ZC3H14: variants seen among roughly 807,000 people sequenced by gnomAD.
ZC3H14 encodes the protein zinc finger CCCH domain-containing protein 14.
A neutral mutation model predicts 92.4 loss-of-function variants in ZC3H14; 31 were observed. That is an observed-to-expected ratio of 0.34 (90% CI 0.25 to 0.45). The LOEUF (loss-of-function observed/expected upper bound fraction) is 0.45, where lower values mean the gene tolerates loss of function less well. ZC3H14 is among the 20% of genes least tolerant of loss of function. The probability of loss-of-function intolerance (pLI) is 1.00; values close to 1 mark genes in which losing one functional copy is unlikely to be tolerated. For synonymous variants in ZC3H14, 321 were observed against 300.9 expected (o/e 1.07, Z -0.69); for missense variants, 781 against 897.3 (o/e 0.87, Z 1.66).
At chr14:88,574,495 G>A (rs2080906201) in intron 6 of ZC3H14, 198 bp from the exon 7 acceptor site, 2 of 577,028 alleles carry the variant, frequency 3.5e-6, no homozygotes, top group South Asian at 2.0e-5. Context: ...CGCCCACTTC[G>A]GCCTTCCAAA....
intron 2 of ZC3H14, among the ~76,000 whole-genome samples, chr14:88,566,662 G>A (rs1319725253): frequency 6.6e-6 from 1 of 152,192 alleles, no homozygotes; most frequent in Non-Finnish European, 1.5e-5. Flanking sequence ...GTTCACGCCT[G>A]TAATCACAGC....
In ZC3H14 at chr14:88,626,883, C is replaced by T. The variant is rs200107954; in HGVS notation, c.*15132C>T. 1.1e-4 allele frequency: 183 copies of T among 1,613,976 alleles called. No individual in the cohort carries two copies. The highest frequency in any genetic ancestry group is 1.5e-4 in the Non-Finnish European group (176 of 1,179,872). On this transcript the variant is annotated 3_prime_UTR_variant, in exon 17 of 17. Transcript: ENST00000251038. ...GCATGGTCTGCATCCGGGCATCTTCCAGTGTGCTCAGTAGCCCTTTTTTGC... is the reference window on the plus strand; with the variant it reads ...GCATGGTCTGCATCCGGGCATCTTCTAGTGTGCTCAGTAGCCCTTTTTTGC...
chr14:88,608,418 A>G, intron 13 of ZC3H14: 1 of 339,012 alleles, frequency 2.9e-6, no homozygotes, highest in Admixed American at 3.6e-5. Flanking sequence ...CTTACACCTT[A>G]TTTTGTTTTT....
At position 88,563,686 on chromosome 14, in the gene ZC3H14, T is replaced by A. The variant is rs1255684142; in HGVS notation, c.72T>A (p.Ala24=). The change falls in exon 2 of 17, where the codon GCT becomes GCA. Residue 24 remains alanine, a synonymous_variant. Transcript: ENST00000251038. ...AIKGKLQELG[A]YVDEELPDYI... is the part of the protein sequence containing the mutation. ...AGGGGAAATTACAAGAATTAGGAGC[T>A]TATGTTGGTAAGTGTTTTTTTGGTT... The A allele has an allele frequency of 6.2e-7, 1 of 1,614,064 alleles. No individual in the cohort carries two copies. Among genetic ancestry groups the A allele is most frequent in the African/African-American group, 1.3e-5 (1 of 74,952 alleles).
intron 13 of ZC3H14, 65 bp from the exon 14 acceptor site, chr14:88,609,202 A>C: frequency 6.3e-7 from 1 of 1,597,092 alleles, no homozygotes; most frequent in Non-Finnish European, 8.6e-7. Flanking sequence ...AAGAGCCCTT[A>C]TACACAGAAC....
chr14:88,577,010 C>G (rs10150251), intron 8 of ZC3H14, among the ~76,000 whole-genome samples: 2 of 151,984 alleles, frequency 1.3e-5, no homozygotes, highest in Admixed American at 6.6e-5. Flanking sequence ...CCAGGCTGGT[C>G]TCGTACTCCT....
At chr14:88,609,025 C>A in intron 13 of ZC3H14, 1 of 506,336 alleles carries the variant, frequency 2.0e-6, no homozygotes, top group Non-Finnish European at 3.5e-6. Flanking sequence ...ATCACAAAAG[C>A]TTGTCTTTCT....
At chr14:88,571,254 A>G in intron 4 of ZC3H14, 130 bp downstream of exon 4, 1 of 720,384 alleles carries the variant, frequency 1.4e-6, no homozygotes, top group Non-Finnish European at 2.2e-6. Flanking sequence ...TTTAGAAAGC[A>G]CATACTTTTA....
intron 2 of ZC3H14, chr14:88,567,724 C>T (rs61984712): frequency 2.7e-6 from 1 of 369,436 alleles, no homozygotes; most frequent in East Asian, 6.6e-5. Context: ...TCAAATATTT[C>T]CCATAAGCTT....
chr14:88,590,784 G>C (rs999384372), intron 9 of ZC3H14: 1 of 152,166 alleles, frequency 6.6e-6, no homozygotes, highest in African/African-American at 2.4e-5. Flanking sequence ...TGTTTGTTCT[G>C]TATGGCTGTT....
chr14:88,580,120 G>A (rs1541890), intron 9 of ZC3H14, among the ~76,000 whole-genome samples: 89,756 of 151,748 alleles, frequency 0.59, 29,098 homozygotes, highest in Non-Finnish European at 0.74. Context: ...GCTGGAGCCC[G>A]GGAGGCTGAG....
intron 9 of ZC3H14, chr14:88,594,377 G>T (rs758963943): frequency 9.5e-7 from 1 of 1,049,818 alleles, no homozygotes; most frequent in East Asian, 7.9e-5. Flanking sequence ...CAGAAACCAG[G>T]ATTATTTTGT....
chr14:88,593,511 C>T (rs1178741986), intron 9 of ZC3H14, among the ~76,000 whole-genome samples: 1 of 152,174 alleles, frequency 6.6e-6, no homozygotes, highest in African/African-American at 2.4e-5. Context: ...CTGTGTGGTA[C>T]TGGCATAAGG....
chr14:88,604,404 T>C (rs1241022830), intron 12 of ZC3H14, among the ~76,000 whole-genome samples: 3 of 152,076 alleles, frequency 2.0e-5, no homozygotes, highest in Non-Finnish European at 4.4e-5. Flanking sequence ...GAGAGACTCC[T>C]GCAGAACAGT....
chr14:88,563,487 A>C, intron 1 of ZC3H14, 164 bp from the exon 2 acceptor site: 1 of 1,441,776 alleles, frequency 6.9e-7, no homozygotes, highest in Non-Finnish European at 9.3e-7. Context: ...CTGGAGCTGG[A>C]GTGGGGTGCG....
intron 9 of ZC3H14, among the ~76,000 whole-genome samples, chr14:88,593,271 G>A (rs1415082549): frequency 1.3e-5 from 2 of 152,104 alleles, no homozygotes; most frequent in Non-Finnish European, 2.9e-5. Context: ...CAGCCTAGAT[G>A]TCTTTACTAT....
Position 88,563,113 on chromosome 14 carries a change from G to A in ZC3H14, c.-21G>A, listed in dbSNP as rs769019260. 603 of 1,583,804 alleles carry A rather than the reference G, an allele frequency of 3.8e-4. 2 individuals carry two copies. The highest frequency in any genetic ancestry group is 5.1e-4 in the Non-Finnish European group (595 of 1,169,990). On this transcript the variant is annotated 5_prime_UTR_variant, in exon 1 of 17. Coordinates refer to ENST00000251038, the MANE Select transcript of ZC3H14 (RefSeq NM_024824.5). The stretch of plus-strand genomic sequence containing the variant: ...TAAGCCAAGCGCCGCGCAGTGCTGA[G>A]TTCCCGCACGCCGCAGAGCCATGGA...
Position 88,616,582 on chromosome 14 carries a change from T to C in ZC3H14, c.*4831T>C. On this transcript the variant is annotated 3_prime_UTR_variant, in exon 17 of 17. Transcript: ENST00000251038. ...GAGAGGATTTGTTTCTAATAGCTTT[T>C]ATTTCAAAGTAAATAGATTTAGAAA... The C allele has an allele frequency of 2.4e-6, 2 of 829,586 alleles. No individual in the cohort carries two copies. The highest frequency in any genetic ancestry group is 1.8e-6 in the Non-Finnish European group (1 of 549,070). 51.4% of individuals were successfully genotyped at this position (829,586 alleles called of 1,614,324 possible). A position where few individuals can be genotyped will look rare whatever the true frequency, so the allele number is the denominator to read the frequency against.
At chr14:88,587,507 AT>A (rs2082600854) in intron 9 of ZC3H14, among the ~76,000 whole-genome samples, 2 of 152,034 alleles carry the variant, frequency 1.3e-5, no homozygotes, top group African/African-American at 4.8e-5. Flanking sequence ...CGCCACCTAC[AT>A]TCTGTCCTGC....
Sources: allele counts gnomAD v4.1 joint callset (sites outside exome capture counted in the v4.1 genomes callset), GRCh38; gene constraint gnomAD v4.1.1; transcripts MANE v1.5; gene names NCBI Gene and HGNC (gene_info 2026-07-23, HGNC 2026-07-21).